Variants in CTNNA3 observed in about 807,000 individuals in gnomAD.
CTNNA3 encodes the protein catenin alpha-3.
A neutral mutation model predicts 95.7 loss-of-function variants in CTNNA3; 76 were observed. That is an observed-to-expected ratio of 0.79 (90% CI 0.66 to 0.96). The LOEUF (loss-of-function observed/expected upper bound fraction) is 0.96. Among genes scored for constraint, CTNNA3 ranks in the 40% least tolerant of loss-of-function variants. CTNNA3 has a pLI of 0.00. For missense variants in CTNNA3, 1,191 were observed against 1,089.8 expected, an observed-to-expected ratio of 1.09 and a Z score of -1.31; for synonymous variants, 431 against 374.4, an observed-to-expected ratio of 1.15 and a Z score of -1.74.
intron 7 of CTNNA3, among the ~76,000 whole-genome samples, chr10:67,014,597 T>C (rs1364590686): frequency 6.6e-6 from 1 of 152,150 alleles, no homozygotes; most frequent in Non-Finnish European, 1.5e-5. Flanking sequence ...TGCCAAAGAC[T>C]TTCTTTAGTA....
intron 15 of CTNNA3, among the ~76,000 whole-genome samples, chr10:66,063,992 T>C (rs1376142359): frequency 2.0e-5 from 3 of 152,112 alleles, no homozygotes; most frequent in Admixed American, 6.6e-5. Context: ...ATTGTATTAG[T>C]CTATTTTCAC....
intron 2 of CTNNA3, among the ~76,000 whole-genome samples, chr10:67,639,138 A>C (rs1839431196): frequency 6.6e-6 from 1 of 152,162 alleles, no homozygotes; most frequent in South Asian, 2.1e-4. Context: ...GAAAAAGAAG[A>C]ATCAAATAGA....
intron 11 of CTNNA3, among the ~76,000 whole-genome samples, chr10:66,454,681 C>T (rs1445097466): frequency 6.6e-6 from 1 of 151,916 alleles, no homozygotes; most frequent in Admixed American, 6.6e-5. Context: ...TCTACAAAAT[C>T]TCCTCCAAAA....
At chr10:66,494,228 C>T (rs1471119401) in intron 11 of CTNNA3, among the ~76,000 whole-genome samples, 1 of 152,088 alleles carries the variant, frequency 6.6e-6, no homozygotes, top group Non-Finnish European at 1.5e-5. Flanking sequence ...ATTATTAATG[C>T]AAAAAGTCCC....
chr10:66,034,635 T>A (rs906303743), intron 15 of CTNNA3, among the ~76,000 whole-genome samples: 4 of 152,230 alleles, frequency 2.6e-5, no homozygotes, highest in Non-Finnish European at 5.9e-5. Context: ...TAGTTTTAGA[T>A]CATTTATAAA....
intron 15 of CTNNA3, among the ~76,000 whole-genome samples, chr10:66,067,914 T>C (rs1417306165): frequency 6.6e-6 from 1 of 151,602 alleles, no homozygotes; most frequent in Non-Finnish European, 1.5e-5. Flanking sequence ...AGACTCCATC[T>C]CAAAAAAAAA....
At chr10:66,943,331 T>C (rs570673580) in intron 7 of CTNNA3, among the ~76,000 whole-genome samples, 47 of 152,244 alleles carry the variant, frequency 3.1e-4, no homozygotes, top group Middle Eastern at 3.4e-3. Context: ...TTAAATCTTA[T>C]TAGATTTTTT....
chr10:66,411,179 G>C (rs1455426153), intron 11 of CTNNA3, among the ~76,000 whole-genome samples: 1 of 152,138 alleles, frequency 6.6e-6, no homozygotes, highest in Non-Finnish European at 1.5e-5. Context: ...TAGGCCTTGA[G>C]TAAATAATGT....
intron 7 of CTNNA3, among the ~76,000 whole-genome samples, chr10:66,950,097 G>A (rs1441521769): frequency 6.6e-6 from 1 of 152,082 alleles, no homozygotes; most frequent in African/African-American, 2.4e-5. Flanking sequence ...GTCTCCTTCA[G>A]GGTCTATCTC....
chr10:67,517,828 A>G (rs915267099), intron 5 of CTNNA3, among the ~76,000 whole-genome samples: 3 of 152,126 alleles, frequency 2.0e-5, no homozygotes, highest in Non-Finnish European at 4.4e-5. Flanking sequence ...ATGTCCAAAA[A>G]CATTCTATCC....
intron 5 of CTNNA3, among the ~76,000 whole-genome samples, chr10:67,463,444 A>C (rs554716275): frequency 6.6e-6 from 1 of 152,280 alleles, no homozygotes; most frequent in South Asian, 2.1e-4. Context: ...ACACAAACTC[A>C]TATCAGGTTA....
intron 11 of CTNNA3, among the ~76,000 whole-genome samples, chr10:66,500,254 T>A (rs1476225643): frequency 1.3e-5 from 2 of 152,158 alleles, no homozygotes; most frequent in Non-Finnish European, 2.9e-5. Context: ...ATTTATTTAG[T>A]GAAATAGTGA....
chr10:66,309,664 C>T (rs1488677062), intron 12 of CTNNA3, among the ~76,000 whole-genome samples: 6 of 114,330 alleles, frequency 5.2e-5, no homozygotes, highest in South Asian at 6.0e-4. Flanking sequence ...CCAGCCTAGG[C>T]GGCAGAGCGA....
upstream of CTNNA3, among the ~76,000 whole-genome samples, chr10:67,699,308 CTA>C (rs1198209292): frequency 6.6e-5 from 10 of 152,172 alleles, no homozygotes; most frequent in Non-Finnish European, 5.9e-5. Context: ...TCCACCACCC[CTA>C]TGTTTTTACC....
At chr10:66,532,709 C>T (rs890915767) in intron 10 of CTNNA3, among the ~76,000 whole-genome samples, 12 of 152,088 alleles carry the variant, frequency 7.9e-5, no homozygotes, top group African/African-American at 2.9e-4. Flanking sequence ...GGAGAAAAGT[C>T]ACGCATAAAT....
At chr10:65,940,300 T>A (rs1007481855) in intron 17 of CTNNA3, among the ~76,000 whole-genome samples, 1 of 152,194 alleles carries the variant, frequency 6.6e-6, no homozygotes, top group African/African-American at 2.4e-5. Flanking sequence ...GGCAGATAGT[T>A]ATTGAGGGAC....
chr10:67,734,264 CTG>C (rs1841290940), intron 1 of CTNNA3, among the ~76,000 whole-genome samples: 1 of 152,116 alleles, frequency 6.6e-6, no homozygotes, highest in African/African-American at 2.4e-5. Flanking sequence ...AAGCTCCTGA[CTG>C]TGGTCAGAAT....
chr10:67,173,854 G>C (rs1862122404), intron 7 of CTNNA3, among the ~76,000 whole-genome samples: 1 of 152,168 alleles, frequency 6.6e-6, no homozygotes, highest in African/African-American at 2.4e-5. Context: ...CACTTCTTGG[G>C]AAAGGATCAG....
intron 17 of CTNNA3, among the ~76,000 whole-genome samples, chr10:65,958,213 G>A (rs775713070): frequency 2.0e-5 from 3 of 151,950 alleles, no homozygotes; most frequent in Non-Finnish European, 2.9e-5. Context: ...TGTAGTTCTC[G>A]TGCCATGGTT....
Sources: gnomAD v4.1 joint callset for allele counts (sites outside exome capture counted in the v4.1 genomes callset) on GRCh38, gnomAD v4.1.1 for gene constraint, MANE v1.5 for transcripts, NCBI Gene and HGNC (gene_info 2026-07-23, HGNC 2026-07-21) for gene names.